Variants in PABPC4L observed in about 807,000 individuals in gnomAD.
The protein encoded by PABPC4L is poly(A) binding protein cytoplasmic 4 like.
For synonymous variants in PABPC4L, 169 were observed against 164.1 expected (o/e 1.03, Z -0.23); for missense variants, 452 against 451.4 (o/e 1.00, Z -0.01).
the PABPC4L span, among the ~76,000 whole-genome samples, chr4:134,187,993 T>C: frequency 6.6e-6 from 1 of 152,106 alleles, no homozygotes; most frequent in Admixed American, 6.6e-5. Flanking sequence ...CCTCCTTTTT[T>C]ATGTCTTCCA....
At chr4:134,066,089 C>A in the PABPC4L span, among the ~76,000 whole-genome samples, 1 of 151,950 alleles carries the variant, frequency 6.6e-6, no homozygotes, top group Non-Finnish European at 1.5e-5. Context: ...GGTATTAGGG[C>A]TCTTTTTTCA....
At chr4:134,175,187 A>G in the PABPC4L span, among the ~76,000 whole-genome samples, 1 of 152,304 alleles carries the variant, frequency 6.6e-6, no homozygotes, top group South Asian at 2.1e-4. Context: ...ACCCGCGAAA[A>G]GTAGCTTTGA....
the PABPC4L span, among the ~76,000 whole-genome samples, chr4:133,955,245 A>G: frequency 6.6e-6 from 1 of 152,100 alleles, no homozygotes; most frequent in African/African-American, 2.4e-5. Flanking sequence ...TACTTTGGAA[A>G]GAAATATTCA....
chr4:134,019,986 C>T, the PABPC4L span, among the ~76,000 whole-genome samples: 3 of 152,024 alleles, frequency 2.0e-5, no homozygotes, highest in Non-Finnish European at 4.4e-5. Context: ...TATCAAGTGG[C>T]CAGAATGTAT....
the PABPC4L span, among the ~76,000 whole-genome samples, chr4:134,066,606 T>C: frequency 6.6e-6 from 1 of 152,112 alleles, no homozygotes; most frequent in Non-Finnish European, 1.5e-5. Context: ...AAGAGCATCA[T>C]TGCCTTGTTC....
chr4:134,134,777 C>T, the PABPC4L span, among the ~76,000 whole-genome samples: 1 of 150,946 alleles, frequency 6.6e-6, no homozygotes. Context: ...ATATGGTATA[C>T]TTTATCTACA....
chr4:134,140,329 T>C, the PABPC4L span, among the ~76,000 whole-genome samples: 1 of 151,810 alleles, frequency 6.6e-6, no homozygotes, highest in African/African-American at 2.4e-5. Context: ...AACATCATGA[T>C]GTATACCTTA....
At chr4:134,035,248 C>T in the PABPC4L span, among the ~76,000 whole-genome samples, 2 of 151,972 alleles carry the variant, frequency 1.3e-5, no homozygotes, top group Non-Finnish European at 2.9e-5. Context: ...AATGTAAATG[C>T]AACTTTTATA....
the PABPC4L span, among the ~76,000 whole-genome samples, chr4:134,190,020 A>C: frequency 6.6e-6 from 1 of 152,154 alleles, no homozygotes; most frequent in African/African-American, 2.4e-5. Flanking sequence ...AAAGCTCCGG[A>C]AAGTAAAACT....
At chr4:134,060,951 G>A in the PABPC4L span, among the ~76,000 whole-genome samples, 1 of 152,030 alleles carries the variant, frequency 6.6e-6, no homozygotes, top group African/African-American at 2.4e-5. Context: ...GAGGGAGGAT[G>A]TCAGATGGTT....
the PABPC4L span, among the ~76,000 whole-genome samples, chr4:134,045,682 T>G: frequency 6.6e-6 from 1 of 152,138 alleles, no homozygotes; most frequent in African/African-American, 2.4e-5. Context: ...TGAGAGCCCA[T>G]GATCCTGCAA....
the PABPC4L span, among the ~76,000 whole-genome samples, chr4:134,114,992 C>T: frequency 6.6e-6 from 1 of 151,890 alleles, no homozygotes; most frequent in East Asian, 2.0e-4. Context: ...CCAATTAGAG[C>T]TCCTTTCCAT....
At chr4:134,132,893 A>C in the PABPC4L span, among the ~76,000 whole-genome samples, 3 of 146,534 alleles carry the variant, frequency 2.0e-5, no homozygotes, top group East Asian at 5.9e-4. Flanking sequence ...ATGTATTAAA[A>C]TATTATATAT....
the PABPC4L span, among the ~76,000 whole-genome samples, chr4:134,146,354 T>C: frequency 3.9e-5 from 6 of 151,998 alleles, no homozygotes; most frequent in African/African-American, 1.2e-4. Flanking sequence ...TTTTAATGTT[T>C]TTTTCTATAT....
At chr4:134,029,863 G>T in the PABPC4L span, among the ~76,000 whole-genome samples, 1 of 151,894 alleles carries the variant, frequency 6.6e-6, no homozygotes, top group Non-Finnish European at 1.5e-5. Flanking sequence ...CATATTGTGG[G>T]AGAGACCGGG....
At chr4:134,145,442 C>T in the PABPC4L span, among the ~76,000 whole-genome samples, 1 of 137,060 alleles carries the variant, frequency 7.3e-6, no homozygotes, top group East Asian at 1.9e-4. Flanking sequence ...CGATATTAAA[C>T]CCCCCTTCCC....
At chr4:134,133,054 TATTTTGTATATATA>T in the PABPC4L span, among the ~76,000 whole-genome samples, 9 of 138,748 alleles carry the variant, frequency 6.5e-5, no homozygotes, top group Admixed American at 3.0e-4. Context: ...TTATATATAT[TATTTTGTATATATA>T]ATTTATCACA....
At chr4:134,165,110 T>G in the PABPC4L span, among the ~76,000 whole-genome samples, 1 of 152,062 alleles carries the variant, frequency 6.6e-6, no homozygotes, top group Non-Finnish European at 1.5e-5. Context: ...GATCCCCATC[T>G]CTCACCATAT....
At chr4:134,094,868 T>C in the PABPC4L span, among the ~76,000 whole-genome samples, 14 of 151,732 alleles carry the variant, frequency 9.2e-5, no homozygotes, top group African/African-American at 3.1e-4. Flanking sequence ...AGAAAAATAA[T>C]ACACTGTAAT....
Sources: gnomAD v4.1 joint callset for allele counts (sites outside exome capture counted in the v4.1 genomes callset) on GRCh38, gnomAD v4.1.1 for gene constraint, MANE v1.5 for transcripts, NCBI Gene and HGNC (gene_info 2026-07-23, HGNC 2026-07-21) for gene names.